The following LGSN variants were observed in gnomAD, a reference collection of about 807,000 sequenced individuals.
LGSN encodes the protein lengsin.
LGSN carries 21 observed loss-of-function variants against 19.5 expected under a neutral mutation model. The observed-to-expected ratio is 1.07, with a 90% CI of 0.76 to 1.55. The LOEUF is 1.55. Ranked by LOEUF, LGSN falls within the 40% of genes most tolerant of loss-of-function variation. The pLI, the probability that LGSN is intolerant of heterozygous loss-of-function variation, is 0.00. For synonymous variants in LGSN, 257 were observed against 215.6 expected (o/e 1.19, Z -1.68); for missense variants, 673 against 608.5 (o/e 1.11, Z -1.12).
chr6:63,304,639 C>A (rs960732434), intron 1 of LGSN, among the ~76,000 whole-genome samples: 1 of 152,166 alleles, frequency 6.6e-6, no homozygotes, highest in African/African-American at 2.4e-5. Context: ...TTAATAGGAA[C>A]TAATAGGAAC....
the LGSN span, among the ~76,000 whole-genome samples, chr6:63,494,129 T>C: frequency 6.6e-6 from 1 of 151,950 alleles, no homozygotes; most frequent in African/African-American, 2.4e-5. Flanking sequence ...TTTGTATTTT[T>C]AGTAGAGATG....
chr6:63,494,033 T>A, the LGSN span, among the ~76,000 whole-genome samples: 10 of 149,156 alleles, frequency 6.7e-5, no homozygotes, highest in African/African-American at 2.5e-4. Flanking sequence ...CACTGCAACC[T>A]CTGCCTCCCG....
At chr6:63,517,513 T>G in the LGSN span, among the ~76,000 whole-genome samples, 1 of 152,184 alleles carries the variant, frequency 6.6e-6, no homozygotes, top group Admixed American at 6.6e-5. Flanking sequence ...TGGTGAAAGA[T>G]CTCCTGATGA....
the LGSN span, among the ~76,000 whole-genome samples, chr6:63,464,598 T>C: frequency 6.6e-6 from 1 of 150,898 alleles, no homozygotes; most frequent in South Asian, 2.1e-4. Context: ...AGGTTAGAAG[T>C]AATGAAGAGA....
chr6:63,471,450 G>A, the LGSN span, among the ~76,000 whole-genome samples: 1 of 151,874 alleles, frequency 6.6e-6, no homozygotes, highest in Admixed American at 6.6e-5. Context: ...TGGATCACTT[G>A]AGGTCAGCAG....
chr6:63,509,173 T>C, the LGSN span, among the ~76,000 whole-genome samples: 13 of 151,884 alleles, frequency 8.6e-5, no homozygotes, highest in Admixed American at 8.5e-4. Flanking sequence ...CAAGCGATTC[T>C]TGAGGTTCAG....
chr6:63,446,447 TTTA>T, the LGSN span, among the ~76,000 whole-genome samples: 2 of 152,128 alleles, frequency 1.3e-5, no homozygotes, highest in African/African-American at 4.8e-5. Context: ...CCCGATATCA[TTTA>T]TTAATTTATT....
the LGSN span, among the ~76,000 whole-genome samples, chr6:63,544,129 C>T: frequency 1.3e-5 from 2 of 152,240 alleles, no homozygotes; most frequent in East Asian, 3.9e-4. Context: ...GGAGTAAAGA[C>T]TACCAGACAC....
At chr6:63,307,539 G>C (rs1304470621) in intron 1 of LGSN, among the ~76,000 whole-genome samples, 4 of 152,230 alleles carry the variant, frequency 2.6e-5, no homozygotes, top group African/African-American at 9.6e-5. Flanking sequence ...AGGTAGAAAA[G>C]TTTGGGTAGA....
chr6:63,540,736 AAC>A, the LGSN span, among the ~76,000 whole-genome samples: 2 of 152,116 alleles, frequency 1.3e-5, no homozygotes, highest in African/African-American at 4.8e-5. Context: ...ATGCATATTA[AAC>A]ACATCAGAAT....
upstream of LGSN, among the ~76,000 whole-genome samples, chr6:63,320,843 G>GC (rs934120300): frequency 2.6e-5 from 4 of 152,174 alleles, no homozygotes; most frequent in African/African-American, 9.7e-5. Flanking sequence ...GGAAGACCAA[G>GC]CCAATACTTA....
the LGSN span, among the ~76,000 whole-genome samples, chr6:63,562,017 T>C: frequency 6.6e-6 from 1 of 152,086 alleles, no homozygotes; most frequent in Non-Finnish European, 1.5e-5. Context: ...AAATACAAAA[T>C]ATAGGAAGTT....
the LGSN span, among the ~76,000 whole-genome samples, chr6:63,381,231 G>A: frequency 1.1e-4 from 16 of 152,228 alleles, no homozygotes; most frequent in African/African-American, 3.9e-4. Flanking sequence ...TTGAGAGACA[G>A]CAGCTTATGA....
At chr6:63,377,163 G>A in the LGSN span, among the ~76,000 whole-genome samples, 1 of 152,208 alleles carries the variant, frequency 6.6e-6, no homozygotes, top group African/African-American at 2.4e-5. Context: ...GTCTTCATCT[G>A]ACTTATAGTA....
At chr6:63,412,704 A>AGGG in the LGSN span, among the ~76,000 whole-genome samples, 51 of 126,772 alleles carry the variant, frequency 4.0e-4, 1 homozygote, top group African/African-American at 1.7e-3. Context: ...AGAAAGAAAG[A>AGGG]AAGAGGGAAG....
chr6:63,449,507 T>A, the LGSN span, among the ~76,000 whole-genome samples: 24 of 149,490 alleles, frequency 1.6e-4, no homozygotes, highest in African/African-American at 5.9e-4. Context: ...ATCACACCAC[T>A]GCCCTCCAGC....
chr6:63,521,624 T>C, the LGSN span: 1 of 152,240 alleles, frequency 6.6e-6, no homozygotes, highest in Non-Finnish European at 1.5e-5. Context: ...GCATATATTT[T>C]AGAAACTGTC....
chr6:63,347,823 C>T, the LGSN span, among the ~76,000 whole-genome samples: 21 of 152,062 alleles, frequency 1.4e-4, no homozygotes, highest in African/African-American at 4.1e-4. Flanking sequence ...CTTAAATAAG[C>T]GGTAACTTAT....
At chr6:63,562,767 T>C in the LGSN span, among the ~76,000 whole-genome samples, 1 of 152,372 alleles carries the variant, frequency 6.6e-6, no homozygotes, top group African/African-American at 2.4e-5. Flanking sequence ...GTCCCGCTGC[T>C]ATATTCTCAA....
Sources: gnomAD v4.1 joint callset for allele counts (sites outside exome capture counted in the v4.1 genomes callset) on GRCh38, gnomAD v4.1.1 for gene constraint, MANE v1.5 for transcripts, NCBI Gene and HGNC (gene_info 2026-07-23, HGNC 2026-07-21) for gene names.